Variants in MCPH1 observed in about 807,000 individuals in gnomAD.
MCPH1 encodes the protein microcephalin.
A neutral mutation model predicts 84.5 loss-of-function variants in MCPH1; 104 were observed. The ratio of observed to expected loss-of-function variants is 1.23; its 90% CI spans 1.05 to 1.45. MCPH1 has a LOEUF of 1.45. Among genes scored for constraint, MCPH1 ranks in the 40% most tolerant of loss-of-function variants. The probability of loss-of-function intolerance (pLI) is 0.00; values close to 1 mark genes in which losing one functional copy is unlikely to be tolerated. For missense variants in MCPH1, 1,498 were observed against 1,005.7 expected (o/e 1.49, Z -6.62); for synonymous variants, 514 against 366.8 (o/e 1.40, Z -4.58).
intron 12 of MCPH1, chr8:6,513,888 TC>T: frequency 2.6e-6 from 4 of 1,550,526 alleles, no homozygotes; most frequent in Non-Finnish European, 3.5e-6. Flanking sequence ...TGTAATTTTT[TC>T]TTTGTATATT....
intron 9 of MCPH1, among the ~76,000 whole-genome samples, chr8:6,467,811 T>C (rs1487227524): frequency 1.3e-5 from 2 of 152,190 alleles, no homozygotes; most frequent in African/African-American, 4.8e-5. Flanking sequence ...TTGACCAGGC[T>C]GGTCTTGAAC....
chr8:6,529,029 T>C (rs1390821241), intron 12 of MCPH1, among the ~76,000 whole-genome samples: 1 of 152,200 alleles, frequency 6.6e-6, no homozygotes, highest in Admixed American at 6.5e-5. Flanking sequence ...AACTGGAAAA[T>C]TGTGTCCTGT....
rs1586026286 is a variant in MCPH1, at chr8:6,480,884, C to A, written c.2136+8C>A. Reference sequence around the variant, plus strand: ...GTTCTCTCTTATGATTGGGTAAGCCCTGTGTGTGAACTGCGTATTTTAAAA... The same window carrying A: ...GTTCTCTCTTATGATTGGGTAAGCCATGTGTGTGAACTGCGTATTTTAAAA... On this transcript the variant is annotated splice_region_variant and intron_variant, in intron 11 of 13. Coordinates refer to ENST00000344683, the MANE Select transcript of MCPH1 (RefSeq NM_024596.5). 6.2e-7 allele frequency: 1 copy of A among 1,613,554 alleles called. No individual in the cohort carries two copies. Among genetic ancestry groups the A allele is most frequent in the African/African-American group, 1.3e-5 (1 of 74,932 alleles).
chr8:6,411,647 C>T (rs147829806), intron 2 of MCPH1, among the ~76,000 whole-genome samples: 63 of 152,312 alleles, frequency 4.1e-4, no homozygotes, highest in African/African-American at 1.4e-3. Context: ...ACAGTTACAG[C>T]CACAGTGCGT....
intron 13 of MCPH1, among the ~76,000 whole-genome samples, chr8:6,636,174 A>C (rs1797539752): frequency 6.6e-6 from 1 of 152,102 alleles, no homozygotes; most frequent in African/African-American, 2.4e-5. Context: ...CCCCATCTCT[A>C]CTAAAAATTA....
chr8:6,451,014 A>G (rs1158211470), intron 8 of MCPH1, among the ~76,000 whole-genome samples: 2 of 152,184 alleles, frequency 1.3e-5, no homozygotes. Context: ...AGCCTATGGT[A>G]TAGTACATTT....
intron 13 of MCPH1, chr8:6,622,136 C>T (rs1049046267): frequency 1.8e-5 from 5 of 271,890 alleles, no homozygotes; most frequent in South Asian, 4.3e-5. Flanking sequence ...ATGATCACTC[C>T]GTCTGCTCAT....
At chr8:6,446,270 C>T (rs1219476788) in intron 8 of MCPH1, 4 of 984,716 alleles carry the variant, frequency 4.1e-6, no homozygotes, top group Non-Finnish European at 4.8e-6. Flanking sequence ...GTTCCAGCAA[C>T]CAAAATTGAA....
chr8:6,440,092 AGTT>A (rs764289916), intron 6 of MCPH1, among the ~76,000 whole-genome samples: 1 of 152,162 alleles, frequency 6.6e-6, no homozygotes, highest in Non-Finnish European at 1.5e-5. Context: ...TTTGCAGCTT[AGTT>A]GTTGTAGACC....
intron 12 of MCPH1, among the ~76,000 whole-genome samples, chr8:6,598,003 C>A (rs751891042): frequency 2.0e-5 from 3 of 152,206 alleles, no homozygotes; most frequent in Non-Finnish European, 4.4e-5. Flanking sequence ...GAATAAACAG[C>A]CACATTTCCA....
intron 11 of MCPH1, among the ~76,000 whole-genome samples, chr8:6,481,105 G>C (rs1809174172): frequency 6.6e-6 from 1 of 152,182 alleles, no homozygotes; most frequent in Non-Finnish European, 1.5e-5. Flanking sequence ...GTAGAGAGCA[G>C]GAAGTGAGTA....
chr8:6,486,556 A>G (rs1809952824), intron 11 of MCPH1, among the ~76,000 whole-genome samples: 1 of 152,208 alleles, frequency 6.6e-6, no homozygotes, highest in Non-Finnish European at 1.5e-5. Flanking sequence ...ATTTTATAAC[A>G]AAGTTCAGTT....
At chr8:6,609,000 A>G (rs1221271205) in intron 12 of MCPH1, among the ~76,000 whole-genome samples, 2 of 152,162 alleles carry the variant, frequency 1.3e-5, no homozygotes, top group African/African-American at 4.8e-5. Context: ...CCCACAGAAT[A>G]CTGCAGAGTT....
chr8:6,498,487 C>G (rs1811548794), intron 11 of MCPH1, among the ~76,000 whole-genome samples: 1 of 152,178 alleles, frequency 6.6e-6, no homozygotes, highest in Admixed American at 6.5e-5. Flanking sequence ...CTGACCAGAA[C>G]TCTACTTTAG....
chr8:6,527,408 C>G (rs1248395896), intron 12 of MCPH1: 1 of 935,718 alleles, frequency 1.1e-6, no homozygotes, highest in Non-Finnish European at 1.5e-6. Flanking sequence ...TCTCCAAGCC[C>G]TCTCCCTTCT....
chr8:6,596,674 G>C (rs781243884), intron 12 of MCPH1, among the ~76,000 whole-genome samples: 1 of 152,062 alleles, frequency 6.6e-6, no homozygotes, highest in Non-Finnish European at 1.5e-5. Flanking sequence ...ACAGTATTAC[G>C]GCATTGGGCT....
chr8:6,557,700 CACACACA>C (rs1376776438), intron 12 of MCPH1, among the ~76,000 whole-genome samples: 1 of 151,608 alleles, frequency 6.6e-6, no homozygotes, highest in African/African-American at 2.4e-5. Flanking sequence ...CACACACACA[CACACACA>C]CACACACATA....
At position 6,431,572 on chromosome 8, in the gene MCPH1, C is replaced by G. The variant is rs1370037489; in HGVS notation, c.307C>G (p.Leu103Val). ...AANMNEHLSS[L>V]IKKKRKCMQP... ...TAATATGAATGAACACTTATCAAGCCTAATTAAAAAAAAAGTAAGTACATG... is the reference window on the plus strand; with the variant it reads ...TAATATGAATGAACACTTATCAAGCGTAATTAAAAAAAAAGTAAGTACATG... Residue 103 changes from leucine (L) to valine (V), a missense_variant, in exon 4 of 14, where the codon CTA becomes GTA. By Grantham distance (32) the Leu-to-Val change is conservative. Transcript: ENST00000344683. 2 of 1,606,708 alleles carry G rather than the reference C, an allele frequency of 1.2e-6. No homozygotes were observed. Among genetic ancestry groups the G allele is most frequent in the African/African-American group, 2.7e-5 (2 of 74,256 alleles).
chr8:6,469,137 A>G (rs776168195), intron 9 of MCPH1, among the ~76,000 whole-genome samples: 3 of 152,108 alleles, frequency 2.0e-5, no homozygotes, highest in Non-Finnish European at 4.4e-5. Context: ...CCGTGATTGT[A>G]CCACTGCACT....
Sources: allele counts gnomAD v4.1 joint callset (sites outside exome capture counted in the v4.1 genomes callset), GRCh38; gene constraint gnomAD v4.1.1; transcripts MANE v1.5; gene names NCBI Gene and HGNC (gene_info 2026-07-23, HGNC 2026-07-21).